The following ANXA10 variants were observed in gnomAD, a reference collection of about 807,000 sequenced individuals.
ANXA10 encodes the protein annexin 14.
Under a neutral mutation model 53.5 loss-of-function variants are expected in ANXA10, and 49 were observed. That is an observed-to-expected ratio of 0.92 (90% CI 0.73 to 1.16). ANXA10 has a LOEUF of 1.16. ANXA10 is among the 50% of genes most tolerant of loss of function. ANXA10 has a pLI of 0.00. For missense variants in ANXA10, 393 were observed against 394.4 expected (o/e 1.00, Z 0.03); for synonymous variants, 131 against 128.9 (o/e 1.02, Z -0.11).
At chr4:168,156,996 A>C (rs1425652494) in intron 3 of ANXA10, among the ~76,000 whole-genome samples, 2 of 152,150 alleles carry the variant, frequency 1.3e-5, no homozygotes, top group African/African-American at 4.8e-5. Flanking sequence ...TTAATGATGA[A>C]GTTCATATTT....
rs1553995913 is a variant in ANXA10 at position 168,096,926 on chromosome 4, A to ATGTATGTATATATATATATATATATG, written c.18+4209_18+4210insGTATGTATATATATATATATATATGT. On this transcript the variant is annotated intron_variant, in intron 1 of 11. Coordinates refer to ENST00000359299, the MANE Select transcript of ANXA10 (RefSeq NM_007193.5). ...AATACAAATGCATATATATATATAT[A>ATGTATGTATATATATATATATATATG]TATGTATGTATATGTATATACAATA... 2.2e-4 allele frequency among the ~76,000 whole-genome samples: 29 copies of ATGTATGTATATATATATATATATATG among 129,916 alleles called. 2 individuals are homozygous for ATGTATGTATATATATATATATATATG. Among genetic ancestry groups the ATGTATGTATATATATATATATATATG allele is most frequent in the African/African-American group, 7.8e-4 (26 of 33,492 alleles). 85.2% of individuals were successfully genotyped at this position (129,916 alleles called of 152,430 possible). A position where few individuals can be genotyped will look rare whatever the true frequency, so the allele number is the denominator to read the frequency against.
At chr4:168,110,859 C>T (rs548867198) in intron 1 of ANXA10, among the ~76,000 whole-genome samples, 11 of 152,202 alleles carry the variant, frequency 7.2e-5, no homozygotes, top group East Asian at 3.9e-4. Context: ...AATAGAATTT[C>T]GTGATACTTT....
chr4:168,112,326 C>A (rs1472730623), intron 1 of ANXA10, among the ~76,000 whole-genome samples: 1 of 151,568 alleles, frequency 6.6e-6, no homozygotes, highest in Non-Finnish European at 1.5e-5. Context: ...AAGGCAACAA[C>A]AAAAGAAAAG....
chr4:168,109,765 C>T (rs1730774300), intron 1 of ANXA10, among the ~76,000 whole-genome samples: 1 of 152,084 alleles, frequency 6.6e-6, no homozygotes, highest in African/African-American at 2.4e-5. Context: ...AAAATCATAA[C>T]AAAATATACA....
chr4:168,103,203 T>A (rs927979363), intron 1 of ANXA10, among the ~76,000 whole-genome samples: 2 of 152,004 alleles, frequency 1.3e-5, no homozygotes, highest in Non-Finnish European at 2.9e-5. Flanking sequence ...TCATTATGGA[T>A]CATATTTTTG....
intron 1 of ANXA10, among the ~76,000 whole-genome samples, chr4:168,107,531 T>C (rs1295942099): frequency 6.6e-6 from 1 of 152,188 alleles, no homozygotes; most frequent in African/African-American, 2.4e-5. Flanking sequence ...TCATTTAAAC[T>C]CACTAGGACT....
At chr4:168,155,636 A>G (rs1445504064) in intron 3 of ANXA10, among the ~76,000 whole-genome samples, 1 of 75,346 alleles carries the variant, frequency 1.3e-5, no homozygotes, top group Non-Finnish European at 2.3e-5. Context: ...ATATATAATT[A>G]TATATAATTA....
chr4:168,134,043 T>C (rs1424474056), intron 2 of ANXA10, among the ~76,000 whole-genome samples: 1 of 152,036 alleles, frequency 6.6e-6, no homozygotes, highest in Non-Finnish European at 1.5e-5. Flanking sequence ...CTTAATATTA[T>C]AAGAGAGTTC....
At chr4:168,151,622 G>A (rs1372905980) in intron 3 of ANXA10, among the ~76,000 whole-genome samples, 1 of 151,142 alleles carries the variant, frequency 6.6e-6, no homozygotes, top group African/African-American at 2.5e-5. Flanking sequence ...GGTTGCATTT[G>A]AAAAGTGGTG....
rs542930996 is a variant in ANXA10, at chr4:168,124,136, G to A, written c.19-3948G>A. 3.3e-4 allele frequency among the ~76,000 whole-genome samples: 50 copies of A among 152,274 alleles called. 1 individual carries two copies. The highest frequency in any genetic ancestry group is 1.9e-3 in the East Asian group (10 of 5,178). ...CTGTAGTAGCATGTGCTACAGTTCC[G>A]TGCCCAGGATAAAATAGAGGGCACC... On this transcript the variant is annotated intron_variant, in intron 1 of 11. Coordinates refer to ENST00000359299, the MANE Select transcript of ANXA10 (RefSeq NM_007193.5).
At chr4:168,172,003 C>T in intron 6 of ANXA10, among the ~76,000 whole-genome samples, 1 of 152,298 alleles carries the variant, frequency 6.6e-6, no homozygotes, top group African/African-American at 2.4e-5. Context: ...TTTCAATAAT[C>T]ATCTGTAATC....
At chr4:168,183,009 G>GAAAAAAAAAAAAAAAAA (rs747151480) in intron 10 of ANXA10, among the ~76,000 whole-genome samples, 1 of 93,388 alleles carries the variant, frequency 1.1e-5, no homozygotes, top group Non-Finnish European at 2.2e-5. Context: ...CACCGTCTCG[G>GAAAAAAAAAAAAAAAAA]AAAAAAAAAA....
intron 3 of ANXA10, among the ~76,000 whole-genome samples, chr4:168,156,526 G>T (rs1212932775): frequency 1.4e-5 from 2 of 145,328 alleles, no homozygotes; most frequent in Admixed American, 1.5e-4. Flanking sequence ...TTTTTGAGAC[G>T]GAGTCTCCAC....
intron 1 of ANXA10, among the ~76,000 whole-genome samples, chr4:168,103,915 G>A (rs561041766): frequency 1.3e-5 from 2 of 151,296 alleles, no homozygotes; most frequent in South Asian, 2.1e-4. Flanking sequence ...AAGATTTTTC[G>A]GTATGGTATT....
At chr4:168,099,040 C>T (rs1365950542) in intron 1 of ANXA10, among the ~76,000 whole-genome samples, 2 of 151,914 alleles carry the variant, frequency 1.3e-5, no homozygotes, top group African/African-American at 4.8e-5. Flanking sequence ...TTTAAATAAG[C>T]CAGAATGGAA....
At position 168,184,649 on chromosome 4, in the gene ANXA10, C is replaced by T. The variant is rs372062172; in HGVS notation, c.874C>T (p.Arg292Ter). 26 of 1,613,748 alleles carry T rather than the reference C, an allele frequency of 1.6e-5. No homozygotes were observed. The highest frequency in any genetic ancestry group is 7.7e-5 in the South Asian group (7 of 91,058). Reference sequence around the variant, plus strand: ...GACCATAAGGAAACGATACAAAGAGCGATATGGAAAATCCCTATTTCATGA... The same window carrying T: ...GACCATAAGGAAACGATACAAAGAGTGATATGGAAAATCCCTATTTCATGA... ...LLTIRKRYKE[R>*]YGKSLFHDIR... Residue 292 changes from arginine to a stop codon, truncating the protein, a stop_gained, in exon 11 of 12, where the codon CGA becomes TGA. Coordinates refer to ENST00000359299, the MANE Select transcript of ANXA10 (RefSeq NM_007193.5). LOFTEE classifies it high-confidence loss of function.
At chr4:168,139,382 C>T in intron 2 of ANXA10, 104 bp from the exon 3 acceptor site, 1 of 786,944 alleles carries the variant, frequency 1.3e-6, no homozygotes, top group East Asian at 2.8e-5. Flanking sequence ...TGTAAAATAC[C>T]ATCAGGGATA....
intron 6 of ANXA10, among the ~76,000 whole-genome samples, chr4:168,168,021 T>C (rs1240621842): frequency 1.3e-5 from 2 of 152,174 alleles, no homozygotes; most frequent in Admixed American, 1.3e-4. Flanking sequence ...GCTTGCAAAC[T>C]AGCAAGTTAT....
chr4:168,182,878 C>G (rs1463892507), intron 10 of ANXA10, among the ~76,000 whole-genome samples: 4 of 150,398 alleles, frequency 2.7e-5, no homozygotes, highest in Admixed American at 1.3e-4. Flanking sequence ...GGCGTGGTTG[C>G]AGGCATCTGT....
Sources: allele counts gnomAD v4.1 joint callset (sites outside exome capture counted in the v4.1 genomes callset), GRCh38; gene constraint gnomAD v4.1.1; transcripts MANE v1.5; gene names NCBI Gene and HGNC (gene_info 2026-07-23, HGNC 2026-07-21).